Variants in FBXL4 observed in about 807,000 individuals in gnomAD.
FBXL4 encodes the protein F-box and leucine rich repeat protein 4, also known as F-box/LRR-repeat protein 4.
A neutral mutation model predicts 58.9 loss-of-function variants in FBXL4; 40 were observed. The observed-to-expected ratio is 0.68, with a 90% CI of 0.53 to 0.88. The LOEUF (loss-of-function observed/expected upper bound fraction) is 0.88, where lower values mean the gene tolerates loss of function less well. Among genes scored for constraint, FBXL4 ranks in the 40% least tolerant of loss-of-function variants. FBXL4 has a pLI of 0.00. For missense variants in FBXL4, 676 were observed against 734.4 expected (o/e 0.92, Z 0.92); for synonymous variants, 263 against 265.5 (o/e 0.99, Z 0.09).
intron 7 of FBXL4, among the ~76,000 whole-genome samples, chr6:98,881,789 A>G (rs1160140234): frequency 6.6e-6 from 1 of 152,142 alleles, no homozygotes; most frequent in East Asian, 1.9e-4. Flanking sequence ...AAGTTTCAAC[A>G]TAACAACATT....
chr6:98,891,803 G>T (rs1044901792), intron 7 of FBXL4, among the ~76,000 whole-genome samples: 5 of 151,980 alleles, frequency 3.3e-5, no homozygotes, highest in African/African-American at 1.2e-4. Flanking sequence ...CTTTCCTCAG[G>T]ACATGCCAAC....
intron 4 of FBXL4, among the ~76,000 whole-genome samples, chr6:98,921,675 A>G (rs1329516081): frequency 6.6e-6 from 1 of 152,168 alleles, no homozygotes; most frequent in East Asian, 1.9e-4. Flanking sequence ...GGTCCAGGTC[A>G]TGACAAATTT....
At chr6:98,901,421 C>T (rs1290348735) in intron 6 of FBXL4, among the ~76,000 whole-genome samples, 2 of 151,954 alleles carry the variant, frequency 1.3e-5, no homozygotes, top group African/African-American at 4.8e-5. Flanking sequence ...GGACAGTTGA[C>T]GTAGTGTGTG....
intron 5 of FBXL4, among the ~76,000 whole-genome samples, chr6:98,907,084 T>C (rs544960586): frequency 6.6e-6 from 1 of 152,316 alleles, no homozygotes; most frequent in East Asian, 1.9e-4. Flanking sequence ...GTCAGATGGA[T>C]AGATCGCAAA....
In FBXL4 at chr6:98,917,347, T is replaced by A; in HGVS notation, c.858+27A>T. 2.0e-6 allele frequency: 3 copies of A among 1,485,118 alleles called. No homozygotes were observed. In the South Asian group the frequency reaches 3.8e-5, roughly 19 times the overall value. 92.0% of individuals were successfully genotyped at this position (1,485,118 alleles called of 1,614,324 possible). On this transcript the variant is annotated intron_variant, in intron 5 of 9. Transcript: ENST00000369244. Reference sequence around the variant, plus strand: ...TAAAAATCTATAGTGTTATATCCAATACTGCTGCTAAATATTTTTGGCTTA... The same window carrying A: ...TAAAAATCTATAGTGTTATATCCAAAACTGCTGCTAAATATTTTTGGCTTA...
chr6:98,937,310 A>G (rs547848681), intron 1 of FBXL4, among the ~76,000 whole-genome samples: 4 of 152,178 alleles, frequency 2.6e-5, no homozygotes, highest in Non-Finnish European at 5.9e-5. Flanking sequence ...AAAAAAAAAA[A>G]AAAATCTGAA....
chr6:98,880,556 G>T lies in FBXL4; in HGVS notation c.1386C>A (p.Val462=). The change falls in exon 8 of 10, where the codon GTC becomes GTA. Residue 462 remains valine, a synonymous_variant. Coordinates refer to ENST00000369244, the MANE Select transcript of FBXL4 (RefSeq NM_001278716.2). ...ELQHLSLGSC[V]MIEDYDVIAS... is the part of the protein sequence containing the mutation. Reference sequence around the variant, plus strand: ...TAAAGAATTCTCAAACACTTACCATGACACAACTGCCTAAACTGAGGTGCT... The same window carrying T: ...TAAAGAATTCTCAAACACTTACCATTACACAACTGCCTAAACTGAGGTGCT... The T allele has an allele frequency of 6.2e-7, 1 of 1,613,458 alleles. No homozygotes were observed. Among genetic ancestry groups the T allele is most frequent in the South Asian group, 1.1e-5 (1 of 91,048 alleles).
chr6:98,935,145 C>T (rs957368914), intron 1 of FBXL4, among the ~76,000 whole-genome samples: 1 of 152,054 alleles, frequency 6.6e-6, no homozygotes, highest in African/African-American at 2.4e-5. Flanking sequence ...GTTACTTCTG[C>T]AGAATATGTT....
At chr6:98,937,946 T>A (rs2128411369) in intron 1 of FBXL4, among the ~76,000 whole-genome samples, 1 of 152,232 alleles carries the variant, frequency 6.6e-6, no homozygotes, top group South Asian at 2.1e-4. Flanking sequence ...TCCACCAAGT[T>A]GTTTTCTGTT....
chr6:98,924,578 C>T (rs1271231990), intron 4 of FBXL4, among the ~76,000 whole-genome samples: 1 of 152,044 alleles, frequency 6.6e-6, no homozygotes, highest in Non-Finnish European at 1.5e-5. Context: ...AAAGATCCTA[C>T]TCCATTTTTT....
chr6:98,937,428 T>G (rs1211849421), intron 1 of FBXL4, among the ~76,000 whole-genome samples: 1 of 152,246 alleles, frequency 6.6e-6, no homozygotes, highest in Non-Finnish European at 1.5e-5. Flanking sequence ...ATATAATTTA[T>G]GCTTATAATA....
intron 2 of FBXL4, among the ~76,000 whole-genome samples, chr6:98,929,148 C>T (rs1283867331): frequency 6.6e-6 from 1 of 152,116 alleles, no homozygotes; most frequent in African/African-American, 2.4e-5. Context: ...AATTGTATAA[C>T]AGCATCCTTT....
chr6:98,909,534 A>G (rs1771949517), intron 5 of FBXL4, among the ~76,000 whole-genome samples: 1 of 152,192 alleles, frequency 6.6e-6, no homozygotes, highest in African/African-American at 2.4e-5. Flanking sequence ...TGGGTCAAGC[A>G]TTTTATCAGG....
intron 7 of FBXL4, 124 bp downstream of exon 7, chr6:98,899,144 T>G: frequency 6.9e-7 from 1 of 1,452,334 alleles, no homozygotes; most frequent in Non-Finnish European, 9.1e-7. Flanking sequence ...GATTTCAGAG[T>G]AGTCAGAAGG....
intron 1 of FBXL4, among the ~76,000 whole-genome samples, chr6:98,935,745 C>T (rs13220536): frequency 0.05 from 7,256 of 144,680 alleles, 245 homozygotes; most frequent in Middle Eastern, 0.12. Flanking sequence ...GCCGAGATTG[C>T]GCCACTGCAG....
At chr6:98,894,771 C>T (rs1771355681) in intron 7 of FBXL4, among the ~76,000 whole-genome samples, 1 of 152,102 alleles carries the variant, frequency 6.6e-6, no homozygotes, top group African/African-American at 2.4e-5. Flanking sequence ...ATTTTCTTTG[C>T]TAAATTTATA....
intron 1 of FBXL4, among the ~76,000 whole-genome samples, chr6:98,939,871 G>A (rs1328888336): frequency 1.3e-5 from 2 of 152,214 alleles, no homozygotes; most frequent in African/African-American, 2.4e-5. Flanking sequence ...CTGCTCATGT[G>A]TCGATGATTA....
chr6:98,908,477 T>C (rs1287472021), intron 5 of FBXL4, among the ~76,000 whole-genome samples: 1 of 152,180 alleles, frequency 6.6e-6, no homozygotes, highest in Non-Finnish European at 1.5e-5. Context: ...TCATTGTGTG[T>C]ATGTATTATG....
chr6:98,875,119 A>G (rs1309877122), intron 9 of FBXL4: 3 of 303,314 alleles, frequency 9.9e-6, no homozygotes, highest in Non-Finnish European at 6.0e-6. Context: ...ATAAAAATAG[A>G]GAGCGCAGCT....
Sources: allele counts gnomAD v4.1 joint callset (sites outside exome capture counted in the v4.1 genomes callset), GRCh38; gene constraint gnomAD v4.1.1; transcripts MANE v1.5; gene names NCBI Gene and HGNC (gene_info 2026-07-23, HGNC 2026-07-21).